Variants in RB1 observed in about 807,000 individuals in gnomAD.
The protein encoded by RB1 is retinoblastoma-associated protein.
Under a neutral mutation model 135.4 loss-of-function variants are expected in RB1, and 18 were observed. That is an observed-to-expected ratio of 0.13 (90% CI 0.09 to 0.20). The LOEUF (loss-of-function observed/expected upper bound fraction) is 0.20, where lower values mean the gene tolerates loss of function less well. Among genes scored for constraint, RB1 ranks in the 10% least tolerant of loss-of-function variants. The pLI is 1.00. For missense variants in RB1, 868 were observed against 1,110.0 expected (o/e 0.78, Z 3.10); for synonymous variants, 365 against 373.2 (o/e 0.98, Z 0.25).
chr13:48,365,067 C>A, intron 9 of RB1, 96 bp downstream of exon 9: 2 of 1,379,416 alleles, frequency 1.4e-6, no homozygotes, highest in Non-Finnish European at 1.9e-6. Flanking sequence ...CTGTGTATCA[C>A]ATTTTTTTTT....
chr13:48,452,071 A>G (rs186193828), intron 17 of RB1, among the ~76,000 whole-genome samples: 1 of 151,854 alleles, frequency 6.6e-6, no homozygotes, highest in East Asian at 1.9e-4. Flanking sequence ...TCCTGGATTC[A>G]TTGATTTTTT....
At chr13:48,400,695 A>G (rs1333249183) in intron 17 of RB1, among the ~76,000 whole-genome samples, 1 of 152,126 alleles carries the variant, frequency 6.6e-6, no homozygotes, top group Admixed American at 6.6e-5. Context: ...TGAACAAATT[A>G]TGTCTCTGTA....
chr13:48,400,155 C>T (rs992718402), intron 17 of RB1, among the ~76,000 whole-genome samples: 1 of 152,114 alleles, frequency 6.6e-6, no homozygotes, highest in African/African-American at 2.4e-5. Context: ...GATAATTATA[C>T]AGACCAGCAT....
At chr13:48,320,390 C>T (rs1385839558) in intron 2 of RB1, 3 of 1,182,592 alleles carry the variant, frequency 2.5e-6, no homozygotes, top group African/African-American at 3.0e-5. Flanking sequence ...GAGAAGCACC[C>T]GGGGAACCTA....
chr13:48,308,007 T>G (rs1424819147), intron 2 of RB1, among the ~76,000 whole-genome samples: 1 of 151,920 alleles, frequency 6.6e-6, no homozygotes, highest in Non-Finnish European at 1.5e-5. Flanking sequence ...TTTTTATACC[T>G]TCTAATATGC....
chr13:48,330,111 A>G (rs1952320058), intron 2 of RB1, among the ~76,000 whole-genome samples: 1 of 147,214 alleles, frequency 6.8e-6, no homozygotes, highest in South Asian at 2.1e-4. Flanking sequence ...TGGAAATTAA[A>G]AAAAAAAAAT....
At chr13:48,394,873 C>T (rs1408620297) in intron 17 of RB1, among the ~76,000 whole-genome samples, 3 of 152,236 alleles carry the variant, frequency 2.0e-5, no homozygotes, top group Non-Finnish European at 4.4e-5. Context: ...CAGCAGATCT[C>T]CCAGCACAGT....
rs750527720 is a variant in RB1, at chr13:48,355,971, CAT to C, written c.608-4044_608-4043del. On this transcript the variant is annotated intron_variant, in intron 6 of 26. Transcript: ENST00000267163. ...TGAGGATGGTTAATGGGTCCACAAA[CAT>C]AGAAAAAATGAATAAGACTTTATAG... 4.5e-4 allele frequency among the ~76,000 whole-genome samples: 69 copies of C among 151,890 alleles called. No individual in the cohort carries two copies. The South Asian group carries it at 5.0e-3, about 11-fold the overall frequency.
At chr13:48,364,179 A>G (rs1044659343) in intron 8 of RB1, among the ~76,000 whole-genome samples, 2 of 152,200 alleles carry the variant, frequency 1.3e-5, no homozygotes, top group Non-Finnish European at 2.9e-5. Flanking sequence ...AATTACATAT[A>G]TTAGAAAAAA....
At chr13:48,386,614 C>T (rs1331081456) in intron 17 of RB1, among the ~76,000 whole-genome samples, 4 of 152,004 alleles carry the variant, frequency 2.6e-5, no homozygotes, top group Non-Finnish European at 5.9e-5. Flanking sequence ...ACAAAGTGAG[C>T]CTGTCATTTC....
intron 17 of RB1, among the ~76,000 whole-genome samples, chr13:48,439,336 T>A (rs910286342): frequency 6.6e-5 from 10 of 152,198 alleles, no homozygotes; most frequent in Non-Finnish European, 1.2e-4. Context: ...AGTACTATTA[T>A]TAAATTAAGA....
intron 26 of RB1, 105 bp downstream of exon 26, chr13:48,477,509 T>C: frequency 2.2e-6 from 2 of 890,064 alleles, no homozygotes; most frequent in South Asian, 1.5e-5. Context: ...GTTGGCAGGT[T>C]TGTTTATGCA....
chr13:48,400,444 A>G (rs1431254959), intron 17 of RB1, among the ~76,000 whole-genome samples: 1 of 152,034 alleles, frequency 6.6e-6, no homozygotes, highest in Admixed American at 6.6e-5. Context: ...TTTAGTGTAT[A>G]TTAGTTTACT....
At chr13:48,372,651 A>C (rs905173532) in intron 11 of RB1, among the ~76,000 whole-genome samples, 1 of 134,344 alleles carries the variant, frequency 7.4e-6, no homozygotes, top group African/African-American at 3.2e-5. Flanking sequence ...GCTCCTTCTC[A>C]AAAAAAAAAA....
At chr13:48,355,092 C>T (rs1952579059) in intron 6 of RB1, among the ~76,000 whole-genome samples, 1 of 151,998 alleles carries the variant, frequency 6.6e-6, no homozygotes, top group Admixed American at 6.6e-5. Flanking sequence ...TAAAAAGCTT[C>T]TACACAGCAA....
At chr13:48,350,880 T>G (rs559956974) in intron 6 of RB1, among the ~76,000 whole-genome samples, 1 of 152,332 alleles carries the variant, frequency 6.6e-6, no homozygotes, top group East Asian at 1.9e-4. Flanking sequence ...AGCCTCCAGC[T>G]CCATCCATGT....
intron 9 of RB1, 117 bp from the exon 10 acceptor site, chr13:48,367,377 A>G: frequency 9.2e-7 from 1 of 1,089,098 alleles, no homozygotes; most frequent in Non-Finnish European, 1.3e-6. Context: ...AACTCAGTGT[A>G]TATTACAAAA....
chr13:48,409,256 A>C (rs569249467), intron 17 of RB1, among the ~76,000 whole-genome samples: 1 of 150,922 alleles, frequency 6.6e-6, no homozygotes, highest in African/African-American at 2.4e-5. Context: ...TGAAGGCATT[A>C]AAGATGTATT....
chr13:48,481,743 T>C lies in RB1; in HGVS notation c.*1672T>C, dbSNP rs1949539521. The stretch of plus-strand genomic sequence containing the variant: ...TTTTAGGAACTTCAGAGATCGTGTA[T>C]TGAGATTTCTTAAATAATGCTTCAG... On this transcript the variant is annotated 3_prime_UTR_variant, in exon 27 of 27. Transcript: ENST00000267163. The C allele has an allele frequency of 4.4e-6, 1 of 229,776 alleles. No individual in the cohort carries two copies. Among genetic ancestry groups the C allele is most frequent in the South Asian group, 1.8e-4 (1 of 5,498 alleles). The allele number at this position is 229,776 out of a possible 1,614,324, so 14.2% of individuals were successfully genotyped here. A position where few individuals can be genotyped will look rare whatever the true frequency, so the allele number is the denominator to read the frequency against.
Sources: allele counts gnomAD v4.1 joint callset (sites outside exome capture counted in the v4.1 genomes callset), GRCh38; gene constraint gnomAD v4.1.1; transcripts MANE v1.5; gene names NCBI Gene and HGNC (gene_info 2026-07-23, HGNC 2026-07-21).